GABRB3: variants seen among roughly 807,000 people sequenced by gnomAD.
The protein encoded by GABRB3 is gamma-aminobutyric acid receptor subunit beta-3.
GABRB3 carries 14 observed loss-of-function variants against 52.1 expected under a neutral mutation model. That is an observed-to-expected ratio of 0.27 (90% CI 0.18 to 0.42). The LOEUF (loss-of-function observed/expected upper bound fraction) is 0.42, where lower values mean the gene tolerates loss of function less well. Ranked by LOEUF, GABRB3 falls within the 10% of genes least tolerant of loss-of-function variation. The probability of loss-of-function intolerance (pLI) is 1.00; values close to 1 mark genes in which losing one functional copy is unlikely to be tolerated. For synonymous variants in GABRB3, 260 were observed against 232.3 expected (o/e 1.12, Z -1.08); for missense variants, 307 against 609.1 (o/e 0.50, Z 5.22).
chr15:26,696,229 ATACTT>A (rs1482463815), intron 3 of GABRB3, among the ~76,000 whole-genome samples: 2 of 152,132 alleles, frequency 1.3e-5, no homozygotes, highest in African/African-American at 4.8e-5. Flanking sequence ...ACTCTGTCAC[ATACTT>A]TATTTTTTTT....
At chr15:26,554,176 G>GAGTATATATATATATATATATATA (rs71420007) in intron 8 of GABRB3, among the ~76,000 whole-genome samples, 26 of 27,334 alleles carry the variant, frequency 9.5e-4, no homozygotes, top group South Asian at 6.6e-3. Context: ...TATATATAAA[G>GAGTATATATATATATATATATATA]TATATATATA....
intron 6 of GABRB3, among the ~76,000 whole-genome samples, chr15:26,579,233 C>T (rs1890701411): frequency 6.6e-6 from 1 of 152,178 alleles, no homozygotes; most frequent in Admixed American, 6.5e-5. Context: ...TGACGCAGGT[C>T]CCTCCTCAGG....
At chr15:26,548,985 A>G (rs1195599852) in intron 8 of GABRB3, among the ~76,000 whole-genome samples, 1 of 152,030 alleles carries the variant, frequency 6.6e-6, no homozygotes. Context: ...GGACCATTCC[A>G]CAGTCCCCTG....
intron 3 of GABRB3, among the ~76,000 whole-genome samples, chr15:26,712,838 C>T (rs898923078): frequency 3.3e-5 from 5 of 152,096 alleles, no homozygotes; most frequent in African/African-American, 7.2e-5. Flanking sequence ...ATATCGTGGC[C>T]GGAGCAGAGG....
intron 3 of GABRB3, among the ~76,000 whole-genome samples, chr15:26,656,367 T>C (rs1413300738): frequency 6.6e-6 from 1 of 152,198 alleles, no homozygotes; most frequent in Non-Finnish European, 1.5e-5. Flanking sequence ...AGGTGACACA[T>C]AAAATCAGAG....
intron 3 of GABRB3, among the ~76,000 whole-genome samples, chr15:26,700,115 A>G (rs577204266): frequency 6.6e-6 from 1 of 152,254 alleles, no homozygotes; most frequent in East Asian, 1.9e-4. Flanking sequence ...AAAACAAACA[A>G]AACAGAGAAT....
At chr15:26,624,845 G>A (rs1892626519) in intron 3 of GABRB3, 1 of 985,400 alleles carries the variant, frequency 1.0e-6, no homozygotes, top group South Asian at 4.7e-5. Context: ...AGCAAATGCA[G>A]GGTTTTCCTG....
At position 26,640,958 on chromosome 15, in the gene GABRB3, G is replaced by A. The variant is rs79456771; in HGVS notation, c.241-19424C>T. Among the ~76,000 whole-genome samples, 296 of 152,312 alleles carry A rather than the reference G, an allele frequency of 1.9e-3. 1 individual carries two copies. The highest frequency in any genetic ancestry group is 5.4e-3 in the African/African-American group (226 of 41,564). On this transcript the variant is annotated intron_variant, in intron 3 of 8. Transcript: ENST00000311550. ...TAATTTAATCAGTCATGATTCTCTTGCTTTACGTTCACCTTTAAAACTGTG... is the reference window on the plus strand; with the variant it reads ...TAATTTAATCAGTCATGATTCTCTTACTTTACGTTCACCTTTAAAACTGTG...
intron 3 of GABRB3, among the ~76,000 whole-genome samples, chr15:26,718,859 A>G (rs543461999): frequency 2.8e-4 from 42 of 152,216 alleles, no homozygotes; most frequent in African/African-American, 9.9e-4. Context: ...CTCAGCTCGC[A>G]AGCCCAATGT....
chr15:26,583,277 A>G (rs1890854373), intron 5 of GABRB3, 55 bp downstream of exon 5: 2 of 1,437,562 alleles, frequency 1.4e-6, no homozygotes, highest in Non-Finnish European at 9.8e-7. Context: ...AAATAATGAC[A>G]AAAGGATCAA....
intron 3 of GABRB3, among the ~76,000 whole-genome samples, chr15:26,764,896 C>T (rs993724349): frequency 1.3e-5 from 2 of 152,112 alleles, no homozygotes; most frequent in South Asian, 2.1e-4. Context: ...TTTGGGAGGC[C>T]GAGGCAGGTG....
chr15:26,593,425 T>A (rs1046617602), intron 4 of GABRB3, among the ~76,000 whole-genome samples: 1 of 152,196 alleles, frequency 6.6e-6, no homozygotes, highest in South Asian at 2.1e-4. Flanking sequence ...AACTTTTTCA[T>A]CATCTCAAAC....
At chr15:26,705,260 C>T (rs952944563) in intron 3 of GABRB3, among the ~76,000 whole-genome samples, 1 of 152,168 alleles carries the variant, frequency 6.6e-6, no homozygotes, top group African/African-American at 2.4e-5. Flanking sequence ...GAACCAACTG[C>T]CTTTATCAAG....
chr15:26,764,956 C>T (rs955915946), intron 3 of GABRB3, among the ~76,000 whole-genome samples: 2 of 151,910 alleles, frequency 1.3e-5, no homozygotes, highest in Non-Finnish European at 2.9e-5. Flanking sequence ...CGGTGAAAAC[C>T]CGTCTCTACT....
chr15:26,752,173 T>C (rs2140172852), intron 3 of GABRB3, among the ~76,000 whole-genome samples: 1 of 152,254 alleles, frequency 6.6e-6, no homozygotes, highest in Non-Finnish European at 1.5e-5. Context: ...CTAGCAGACA[T>C]GGAGAGACTT....
At chr15:26,642,134 C>A (rs1893218810) in intron 3 of GABRB3, among the ~76,000 whole-genome samples, 1 of 152,198 alleles carries the variant, frequency 6.6e-6, no homozygotes, top group African/African-American at 2.4e-5. Flanking sequence ...CGCAAGCAAT[C>A]CTTCTGCCTC....
intron 3 of GABRB3, among the ~76,000 whole-genome samples, chr15:26,639,817 C>G (rs1893151220): frequency 1.3e-5 from 2 of 152,178 alleles, no homozygotes; most frequent in African/African-American, 4.8e-5. Flanking sequence ...ATATCTGCTC[C>G]TGGTAAATGT....
At chr15:26,586,248 T>C (rs1289375643) in intron 4 of GABRB3, among the ~76,000 whole-genome samples, 1 of 152,024 alleles carries the variant, frequency 6.6e-6, no homozygotes, top group Non-Finnish European at 1.5e-5. Context: ...CCACCCGCCT[T>C]GGTCTCCTAA....
chr15:26,744,040 C>T (rs1248462134), intron 3 of GABRB3, among the ~76,000 whole-genome samples: 1 of 152,134 alleles, frequency 6.6e-6, no homozygotes, highest in African/African-American at 2.4e-5. Flanking sequence ...TACTTAATTC[C>T]CCTCCCAGTG....
Sources: allele counts gnomAD v4.1 joint callset (sites outside exome capture counted in the v4.1 genomes callset), GRCh38; gene constraint gnomAD v4.1.1; transcripts MANE v1.5; gene names NCBI Gene and HGNC (gene_info 2026-07-23, HGNC 2026-07-21).